Variants in SLAMF7 observed in about 807,000 individuals in gnomAD.
SLAMF7 encodes 19A24 protein.
Under a neutral mutation model 34.1 loss-of-function variants are expected in SLAMF7, and 26 were observed. That is an observed-to-expected ratio of 0.76 (90% CI 0.56 to 1.06). SLAMF7 has a LOEUF of 1.06. Ranked by LOEUF, SLAMF7 falls within the 50% of genes least tolerant of loss-of-function variation. SLAMF7 has a pLI of 0.00. For missense variants in SLAMF7, 399 were observed against 402.5 expected, an observed-to-expected ratio of 0.99 and a Z score of 0.07; for synonymous variants, 171 against 156.4, an observed-to-expected ratio of 1.09 and a Z score of -0.70.
rs1248597851 is a variant in SLAMF7 at position 160,751,494 on chromosome 1, G to T, written c.873+46G>T. The T allele has an allele frequency of 2.7e-6, 4 of 1,491,526 alleles. No individual in the cohort carries two copies. In the African/African-American group the frequency reaches 5.5e-5, roughly 21 times the overall value. The allele number at this position is 1,491,526 out of a possible 1,614,324, so 92.4% of individuals were successfully genotyped here. On this transcript the variant is annotated intron_variant, in intron 5 of 6. Coordinates refer to ENST00000368043, the MANE Select transcript of SLAMF7 (RefSeq NM_021181.5). ...CCTGAGAACTGATCCTGTCTCTGAG[G>T]CTCTCCTTGTGAGGTTTTTCCATGG...
At position 160,753,658 on chromosome 1, in the gene SLAMF7, T is replaced by G. The variant is rs11265473; in HGVS notation, c.*481T>G. 0.24 allele frequency: 40,651 copies of G among 169,428 alleles called. 5,152 individuals are homozygous for G. The highest frequency in any genetic ancestry group is 0.29 in the Non-Finnish European group (22,862 of 78,798). 10.5% of individuals were successfully genotyped at this position (169,428 alleles called of 1,614,324 possible). A position where few individuals can be genotyped will look rare whatever the true frequency, so the allele number is the denominator to read the frequency against. On this transcript the variant is annotated 3_prime_UTR_variant, in exon 7 of 7. Coordinates refer to ENST00000368043, the MANE Select transcript of SLAMF7 (RefSeq NM_021181.5). ...CAGAAGCAGATGCACCTGACAAAAA[T>G]GGATGTATTAATTGGCTCTATAAAC...
Position 160,748,468 on chromosome 1 carries a change from A to T in SLAMF7, c.330A>T (p.Ser110=). The change falls in exon 2 of 7, where the codon TCA becomes TCT. Residue 110 remains serine, a synonymous_variant. Coordinates refer to ENST00000368043, the MANE Select transcript of SLAMF7 (RefSeq NM_021181.5). ...SGIYYVGIYS[S]SLQQPSTQEY... ...TCTACTATGTGGGGATATACAGCTC[A>T]TCACTCCAGCAGCCCTCCACCCAGG... The T allele has an allele frequency of 6.2e-7, 1 of 1,612,940 alleles. No homozygotes were observed. Among genetic ancestry groups the T allele is most frequent in the African/African-American group, 1.3e-5 (1 of 75,012 alleles).
chr1:160,752,096 C>T (rs1264731130), intron 5 of SLAMF7, 90 bp from the exon 6 acceptor site: 5 of 1,061,862 alleles, frequency 4.7e-6, no homozygotes, highest in African/African-American at 3.1e-5. Context: ...CTGCTTTCCC[C>T]TCTCTGGATT....
chr1:160,750,130 C>G (rs1270817465), intron 3 of SLAMF7, 37 bp downstream of exon 3: 1 of 1,603,362 alleles, frequency 6.2e-7, no homozygotes, highest in Middle Eastern at 1.8e-4. Context: ...AGACTCTGCC[C>G]AGGTCCTACA....
At chr1:160,751,149 G>T in intron 4 of SLAMF7, 196 bp from the exon 5 acceptor site, 1 of 561,302 alleles carries the variant, frequency 1.8e-6, no homozygotes, top group South Asian at 2.1e-5. Flanking sequence ...AAATGTTGGG[G>T]GTGGCCAATT....
chr1:160,744,793 G>T (rs544518), intron 1 of SLAMF7, among the ~76,000 whole-genome samples: 125,701 of 152,096 alleles, frequency 0.83, 52,075 homozygotes, highest in East Asian at 0.96. Context: ...GACTTCATAA[G>T]ATTCACCCCT....
At chr1:160,751,566 T>C in intron 5 of SLAMF7, 118 bp downstream of exon 5, 1 of 749,174 alleles carries the variant, frequency 1.3e-6, no homozygotes, top group Non-Finnish European at 2.3e-6. Context: ...TATATAGACT[T>C]AAAACTCAAT....
intron 1 of SLAMF7, among the ~76,000 whole-genome samples, chr1:160,742,835 A>T (rs1392329310): frequency 6.6e-6 from 1 of 152,224 alleles, no homozygotes; most frequent in Non-Finnish European, 1.5e-5. Context: ...AGCAGGGCTT[A>T]GGCTGTATCT....
chr1:160,742,352 C>A (rs76619841), intron 1 of SLAMF7, among the ~76,000 whole-genome samples: 1,909 of 152,202 alleles, frequency 0.013, 43 homozygotes, highest in African/African-American at 0.043. Context: ...CAAAGGCAGG[C>A]GGGGGATGTA....
Position 160,748,513 on chromosome 1 carries a change from C to T in SLAMF7, c.375C>T (p.Tyr125=), listed in dbSNP as rs778677363. The T allele has an allele frequency of 5.0e-6, 8 of 1,606,904 alleles. No individual in the cohort carries two copies. Among genetic ancestry groups the T allele is most frequent in the African/African-American group, 4.0e-5 (3 of 74,748 alleles). ...PSTQEYVLHV[Y]EHLSKPKVTM... is the part of the protein sequence containing the mutation. ...CCCAGGAGTACGTGCTGCATGTCTA[C>T]GGTGAGCAAAATCAGTTCCAATGGT... The change falls in exon 2 of 7, where the codon TAC becomes TAT. Residue 125 remains tyrosine, a splice_region_variant and synonymous_variant. Transcript: ENST00000368043.
chr1:160,749,027 G>A (rs1363247569), intron 2 of SLAMF7, among the ~76,000 whole-genome samples: 1 of 152,084 alleles, frequency 6.6e-6, no homozygotes, highest in Non-Finnish European at 1.5e-5. Context: ...ACTCATCCAG[G>A]GAAGTTAAAA....
At chr1:160,746,028 C>T (rs1000924867) in intron 1 of SLAMF7, among the ~76,000 whole-genome samples, 1 of 152,082 alleles carries the variant, frequency 6.6e-6, no homozygotes, top group Non-Finnish European at 1.5e-5. Context: ...TGAGTTACAT[C>T]AGTACTGGAG....
rs1386543473 is a variant in SLAMF7, at chr1:160,753,482, G to A, written c.*305G>A. On this transcript the variant is annotated 3_prime_UTR_variant, in exon 7 of 7. Transcript: ENST00000368043. ...ATTCCTATAAAAATGTAAATGCAAG[G>A]TCACACATATTAATGACAGCCTGTT... is the stretch of plus-strand genomic sequence containing the variant. 2.4e-5 allele frequency: 8 copies of A among 339,688 alleles called. No homozygotes were observed. The highest frequency in any genetic ancestry group is 1.5e-4 in the African/African-American group (7 of 46,972). The allele number at this position is 339,688 out of a possible 1,614,324, so 21.0% of individuals were successfully genotyped here. A position where few individuals can be genotyped will look rare whatever the true frequency, so the allele number is the denominator to read the frequency against.
At chr1:160,752,080 C>G in intron 5 of SLAMF7, 106 bp from the exon 6 acceptor site, 1 of 873,114 alleles carries the variant, frequency 1.1e-6, no homozygotes, top group Non-Finnish European at 1.8e-6. Context: ...ACATCTCCTC[C>G]CATCTCTGCT....
At position 160,751,374 on chromosome 1, in the gene SLAMF7, A is replaced by T; in HGVS notation, c.799A>T (p.Ile267Phe). 1 of 1,613,940 alleles carries T rather than the reference A, an allele frequency of 6.2e-7. No homozygotes were observed. Among genetic ancestry groups the T allele is most frequent in the Non-Finnish European group, 8.5e-7 (1 of 1,179,870 alleles). Residue 267 changes from isoleucine to phenylalanine, a missense_variant, in exon 5 of 7, where the codon ATT (isoleucine) becomes TTT (phenylalanine). Transcript: ENST00000368043. Reference sequence around the variant, plus strand: ...CATTGAAGAGAAGAAGAGAGTGGACATTTGTCGGGAAACTCCTAACATATG... The same window carrying T: ...CATTGAAGAGAAGAAGAGAGTGGACTTTTGTCGGGAAACTCCTAACATATG... ...EYIEEKKRVD[I>F]CRETPNICPH...
intron 1 of SLAMF7, among the ~76,000 whole-genome samples, chr1:160,745,542 T>C (rs1217181293): frequency 6.6e-6 from 1 of 152,176 alleles, no homozygotes; most frequent in Non-Finnish European, 1.5e-5. Flanking sequence ...GTTGTTTGAA[T>C]CTCAATTTTC....
chr1:160,747,674 G>A (rs1362350701), intron 1 of SLAMF7, among the ~76,000 whole-genome samples: 2 of 152,182 alleles, frequency 1.3e-5, no homozygotes, highest in Non-Finnish European at 2.9e-5. Context: ...AATCCCGCCT[G>A]GGCAACAGAG....
intron 1 of SLAMF7, among the ~76,000 whole-genome samples, chr1:160,740,407 T>C (rs1228152962): frequency 6.6e-6 from 1 of 152,148 alleles, no homozygotes; most frequent in South Asian, 2.1e-4. Flanking sequence ...GGTGTCCATC[T>C]GAAATCAGTC....
chr1:160,742,280 G>A (rs1663809255), intron 1 of SLAMF7, among the ~76,000 whole-genome samples: 1 of 152,180 alleles, frequency 6.6e-6, no homozygotes. Flanking sequence ...CTGATGCAAA[G>A]ACATCTGAGT....
Sources: allele counts gnomAD v4.1 joint callset (sites outside exome capture counted in the v4.1 genomes callset), GRCh38; gene constraint gnomAD v4.1.1; transcripts MANE v1.5; gene names NCBI Gene and HGNC (gene_info 2026-07-23, HGNC 2026-07-21).